Variants in EXOSC2 observed in about 807,000 individuals in gnomAD.
The protein encoded by EXOSC2 is exosome complex component RRP4.
EXOSC2 carries 29 observed loss-of-function variants against 37.6 expected under a neutral mutation model. The observed-to-expected ratio is 0.77, with a 90% confidence interval of 0.57 to 1.05. The LOEUF (loss-of-function observed/expected upper bound fraction) is 1.05, where lower values mean the gene tolerates loss of function less well. Ranked by LOEUF, EXOSC2 falls within the 50% of genes least tolerant of loss-of-function variation. The pLI, the probability that EXOSC2 is intolerant of heterozygous loss-of-function variation, is 0.00. For missense variants in EXOSC2, 346 were observed against 365.6 expected (o/e 0.95, Z 0.44); for synonymous variants, 119 against 131.1 (o/e 0.91, Z 0.63).
At chr9:130,702,956 G>C (rs1026799975) in intron 7 of EXOSC2, 97 bp from the exon 8 acceptor site, 5 of 1,433,418 alleles carry the variant, frequency 3.5e-6, no homozygotes, top group Admixed American at 3.6e-5. Flanking sequence ...GGGTGATACT[G>C]TCTGAGTCAT....
intron 1 of EXOSC2, among the ~76,000 whole-genome samples, chr9:130,695,289 C>G (rs1364664764): frequency 2.6e-5 from 4 of 152,116 alleles, no homozygotes; most frequent in African/African-American, 9.7e-5. Context: ...CAGAAAGTGA[C>G]ACCTGAGCAG....
Position 130,697,574 on chromosome 9 carries a change from T to C in EXOSC2, c.225-8T>C. 1.2e-6 allele frequency: 2 copies of C among 1,614,034 alleles called. No individual in the cohort carries two copies. The highest frequency in any genetic ancestry group is 1.7e-6 in the Non-Finnish European group (2 of 1,179,854). ...AGATGGATGAACCCCTTGTGTTTTG[T>C]CTTTCAGATACATTGGTGAAGTAGG... On this transcript the variant is annotated splice_polypyrimidine_tract_variant and splice_region_variant and intron_variant, in intron 2 of 8. Coordinates refer to ENST00000372358, the MANE Select transcript of EXOSC2 (RefSeq NM_014285.7).
intron 3 of EXOSC2, 64 bp downstream of exon 3, chr9:130,697,691 C>T: frequency 6.9e-7 from 1 of 1,451,172 alleles, no homozygotes; most frequent in Non-Finnish European, 9.7e-7. Context: ...ATTCATGGGA[C>T]AGTCATTCCA....
chr9:130,695,463 C>T, intron 1 of EXOSC2, 29 bp from the exon 2 acceptor site: 2 of 1,585,012 alleles, frequency 1.3e-6, no homozygotes, highest in Non-Finnish European at 1.7e-6. Context: ...ACCCTCGTAT[C>T]CTTTCTTTGT....
At chr9:130,703,305 C>A in intron 8 of EXOSC2, 124 bp downstream of exon 8, 1 of 1,117,656 alleles carries the variant, frequency 8.9e-7, no homozygotes, top group Non-Finnish European at 1.3e-6. Context: ...TGGCCTGAAA[C>A]AGCCTTAATG....
rs1347867002 is a variant in EXOSC2 at position 130,703,963 on chromosome 9, A to G, written c.*189A>G. 1 of 465,918 alleles carries G rather than the reference A, an allele frequency of 2.1e-6. No individual in the cohort carries two copies. The highest frequency in any genetic ancestry group is 2.0e-5 in the African/African-American group (1 of 50,786). 28.9% of individuals were successfully genotyped at this position (465,918 alleles called of 1,614,324 possible). A position where few individuals can be genotyped will look rare whatever the true frequency, so the allele number is the denominator to read the frequency against. On this transcript the variant is annotated 3_prime_UTR_variant, in exon 9 of 9. Transcript: ENST00000372358. ...CACCAAGCCTGGGTGGCAGATGAAC[A>G]GTGCTTCCTTGGGTTGCCAGCTGAG... is the stretch of plus-strand genomic sequence containing the variant.
chr9:130,699,350 G>A lies in EXOSC2; in HGVS notation c.382G>A (p.Glu128Lys), dbSNP rs149268432. Reference protein sequence around the residue: ...GELRRRSAEDELAMRGFLQEG... With the variant: ...GELRRRSAEDKLAMRGFLQEG... ...TCAGAGGAGAAGATCTGCAGAAGATGAGCTTGCAATGAGAGGTTTCTTACA... is the reference window on the plus strand; with the variant it reads ...TCAGAGGAGAAGATCTGCAGAAGATAAGCTTGCAATGAGAGGTTTCTTACA... The change falls in exon 5 of 9, where the codon GAG (glutamate) becomes AAG (lysine). Residue 128 changes from glutamate (E) to lysine (K), a missense_variant. Coordinates refer to ENST00000372358, the MANE Select transcript of EXOSC2 (RefSeq NM_014285.7). 1 of 1,614,204 alleles carries A rather than the reference G, an allele frequency of 6.2e-7. No individual in the cohort carries two copies. The highest frequency in any genetic ancestry group is 1.3e-5 in the African/African-American group (1 of 75,058).
chr9:130,697,495 C>T (rs945026716), intron 2 of EXOSC2, 87 bp from the exon 3 acceptor site: 5 of 1,314,254 alleles, frequency 3.8e-6, no homozygotes, highest in Non-Finnish European at 5.5e-6. Context: ...AGGCTTTCAC[C>T]CTGTTGAACC....
intron 2 of EXOSC2, among the ~76,000 whole-genome samples, chr9:130,696,607 G>A (rs1391610196): frequency 6.6e-6 from 1 of 152,126 alleles, no homozygotes; most frequent in Non-Finnish European, 1.5e-5. Context: ...TTTTCCGAGT[G>A]TTTTTTTAAA....
In EXOSC2 at chr9:130,698,071, G is replaced by T; in HGVS notation, c.271-91G>T. ...GGCCTCCCAAAGTGCTGGGATTACA[G>T]GCGTGAGCCACCACATCTGGCCTTA... On this transcript the variant is annotated intron_variant, in intron 3 of 8. Transcript: ENST00000372358. This position sits in a 1 kb window ranked among gnomAD's most constrained non-coding sequence, Gnocchi z 4.1. 1 of 1,244,752 alleles carries T rather than the reference G, an allele frequency of 8.0e-7. No individual in the cohort carries two copies. The highest frequency in any genetic ancestry group is 1.2e-6 in the Non-Finnish European group (1 of 852,530). The allele number at this position is 1,244,752 out of a possible 1,614,324, so 77.1% of individuals were successfully genotyped here.
rs1393982441 is a variant in EXOSC2, at chr9:130,704,602, T to C, written c.*828T>C. 1.3e-5 allele frequency: 2 copies of C among 152,166 alleles called. No homozygotes were observed. The highest frequency in any genetic ancestry group is 4.8e-5 in the African/African-American group (2 of 41,518). 9.4% of individuals were successfully genotyped at this position (152,166 alleles called of 1,614,324 possible). On this transcript the variant is annotated 3_prime_UTR_variant, in exon 9 of 9. Coordinates refer to ENST00000372358, the MANE Select transcript of EXOSC2 (RefSeq NM_014285.7). ...TTCTGTTGCGTGTTCCTTGTAGCCATAGATGTGATTATGTCCACACCGGGC... is the reference window on the plus strand; with the variant it reads ...TTCTGTTGCGTGTTCCTTGTAGCCACAGATGTGATTATGTCCACACCGGGC...
intron 3 of EXOSC2, 177 bp from the exon 4 acceptor site, chr9:130,697,985 G>A (rs1298382818): frequency 3.4e-6 from 2 of 588,602 alleles, no homozygotes; most frequent in South Asian, 2.0e-5. Flanking sequence ...GTAGAGATGG[G>A]GTTTCATTAT....
rs1588198822 is a variant in EXOSC2 at position 130,699,484 on chromosome 9, A to G, written c.426+90A>G. On this transcript the variant is annotated intron_variant, in intron 5 of 8. Coordinates refer to ENST00000372358, the MANE Select transcript of EXOSC2 (RefSeq NM_014285.7). Reference sequence around the variant, plus strand: ...ATTGTATGTCTCTGACGGAAGAACCATGTCATCCTTGCAGGGATCCGAGTC... The same window carrying G: ...ATTGTATGTCTCTGACGGAAGAACCGTGTCATCCTTGCAGGGATCCGAGTC... 3 of 1,278,610 alleles carry G rather than the reference A, an allele frequency of 2.3e-6. No homozygotes were observed. In the East Asian group the frequency reaches 6.9e-5, roughly 30 times the overall value. 79.2% of individuals were successfully genotyped at this position (1,278,610 alleles called of 1,614,324 possible). A position where few individuals can be genotyped will look rare whatever the true frequency, so the allele number is the denominator to read the frequency against.
Position 130,698,888 on chromosome 9 carries a change from C to T in EXOSC2, c.361-441C>T, listed in dbSNP as rs1831152882. ...CAAAAGGAAATTTCAGTGAGAGAAG[C>T]TTGTAGGAAAGACAGGCATTGGAGT... On this transcript the variant is annotated intron_variant, in intron 4 of 8. Coordinates refer to ENST00000372358, the MANE Select transcript of EXOSC2 (RefSeq NM_014285.7). The surrounding 1 kb of genome is among the most constrained non-coding windows in gnomAD (Gnocchi z 4.1). 6.6e-6 allele frequency among the ~76,000 whole-genome samples: 1 copy of T among 152,100 alleles called. No homozygotes were observed. The highest frequency in any genetic ancestry group is 2.4e-5 in the African/African-American group (1 of 41,406).
rs1172966422 is a variant in EXOSC2 at position 130,695,546 on chromosome 9, T to C, written c.177T>C (p.Ser59=). ...EEKLIASVAG[S]VERVNKLICV... is the part of the protein sequence containing the mutation. ...AGCTCATTGCATCTGTTGCTGGCTC[T>C]GTGGAGAGAGTAAACAAGTTGATCT... The change falls in exon 2 of 9, where the codon TCT becomes TCC. Residue 59 remains serine (S), a synonymous_variant. Transcript: ENST00000372358. 3 of 1,614,122 alleles carry C rather than the reference T, an allele frequency of 1.9e-6. No individual in the cohort carries two copies. Among genetic ancestry groups the C allele is most frequent in the Non-Finnish European group, 2.5e-6 (3 of 1,180,038 alleles).
chr9:130,695,028 G>C (rs1831062454), intron 1 of EXOSC2, among the ~76,000 whole-genome samples: 1 of 152,096 alleles, frequency 6.6e-6, no homozygotes, highest in East Asian at 1.9e-4. Flanking sequence ...GAAATCTTAA[G>C]ATTCATTCTT....
Position 130,697,586 on chromosome 9 carries a change from A to G in EXOSC2, c.229A>G (p.Ile77Val). 6.2e-7 allele frequency: 1 copy of G among 1,614,092 alleles called. No homozygotes were observed. Among genetic ancestry groups the G allele is most frequent in the Non-Finnish European group, 8.5e-7 (1 of 1,179,930 alleles). The change falls in exon 3 of 9, where the codon ATT becomes GTT. Residue 77 changes from isoleucine to valine, a missense_variant. By Grantham distance (29) the Ile-to-Val change is conservative. Coordinates refer to ENST00000372358, the MANE Select transcript of EXOSC2 (RefSeq NM_014285.7). ...CCCTTGTGTTTTGTCTTTCAGATAC[A>G]TTGGTGAAGTAGGAGACATCGTAGT... ...ICVKALKTRY[I>V]GEVGDIVVGR... is the part of the protein sequence containing the mutation.
chr9:130,702,014 C>G, intron 6 of EXOSC2, 120 bp from the exon 7 acceptor site: 1 of 1,462,984 alleles, frequency 6.8e-7, no homozygotes, highest in South Asian at 1.5e-5. Flanking sequence ...ATGTAGGCGA[C>G]AGCAATTATA....
At position 130,694,254 on chromosome 9, in the gene EXOSC2, C is replaced by T. The variant is rs1235903277; in HGVS notation, c.122+341C>T. Among the ~76,000 whole-genome samples, 1 of 152,132 alleles carries T rather than the reference C, an allele frequency of 6.6e-6. No individual in the cohort carries two copies. The highest frequency in any genetic ancestry group is 1.5e-5 in the Non-Finnish European group (1 of 68,010). On this transcript the variant is annotated intron_variant, in intron 1 of 8. Coordinates refer to ENST00000372358, the MANE Select transcript of EXOSC2 (RefSeq NM_014285.7). The surrounding 1 kb of genome is among the most constrained non-coding windows in gnomAD (Gnocchi z 4.0). ...GTGCAGGCTCTTTTCCAGTTTTCAG[C>T]TCTCTGAGGGGACGGTGGGCGTTCT...
Sources: gnomAD v4.1 joint callset for allele counts (sites outside exome capture counted in the v4.1 genomes callset) on GRCh38, gnomAD v4.1.1 for gene constraint, Gnocchi (gnomAD v3.1) non-coding constraint, MANE v1.5 for transcripts, NCBI Gene and HGNC (gene_info 2026-07-23, HGNC 2026-07-21) for gene names.